Variants in FRMD4B observed in about 807,000 individuals in gnomAD.
The protein encoded by FRMD4B is FERM domain-containing protein 4B.
In FRMD4B, 74 loss-of-function variants were observed where a neutral mutation model predicts 141.5. The ratio of observed to expected loss-of-function variants is 0.52; its 90% CI spans 0.43 to 0.63. The LOEUF is 0.63. Ranked by LOEUF, FRMD4B falls within the 30% of genes least tolerant of loss-of-function variation. FRMD4B has a pLI of 0.00. For missense variants in FRMD4B, 1,366 were observed against 1,253.4 expected (o/e 1.09, Z -1.36); for synonymous variants, 506 against 467.9 (o/e 1.08, Z -1.05).
Position 69,453,880 on chromosome 3 carries a change from T to C in FRMD4B, c.-128-21119A>G, listed in dbSNP as rs371045210. Among the ~76,000 whole-genome samples the C allele has an allele frequency of 2.6e-4, 40 of 152,054 alleles. No individual in the cohort carries two copies. In the East Asian group the frequency reaches 5.8e-3, roughly 22 times the overall value. ...AAAGGATGAGTGAGAAAAATGGATG[T>C]GAAAGGAGGGAGGCAGAAGCCTAGA... On this transcript the variant is annotated intron_variant, in intron 1 of 5. Transcript: ENST00000459638.
chr3:69,226,784 C>A (rs1210385564), intron 7 of FRMD4B, among the ~76,000 whole-genome samples: 2 of 152,102 alleles, frequency 1.3e-5, no homozygotes, highest in Admixed American at 1.3e-4. Flanking sequence ...CATACAAATG[C>A]AGTCAGCCAA....
intron 2 of FRMD4B, among the ~76,000 whole-genome samples, chr3:69,414,400 T>C (rs190408396): frequency 6.6e-6 from 1 of 152,322 alleles, no homozygotes; most frequent in Admixed American, 6.5e-5. Context: ...TTTTTACAAA[T>C]CTATACTATG....
At chr3:69,311,844 T>C (rs2107226818) in intron 2 of FRMD4B, among the ~76,000 whole-genome samples, 1 of 152,190 alleles carries the variant, frequency 6.6e-6, no homozygotes, top group South Asian at 2.1e-4. Flanking sequence ...TAATAGTTAC[T>C]ATTTATTATG....
At chr3:69,271,803 T>G (rs1487929586) in intron 5 of FRMD4B, among the ~76,000 whole-genome samples, 2 of 151,948 alleles carry the variant, frequency 1.3e-5, no homozygotes, top group African/African-American at 4.8e-5. Flanking sequence ...TGAAACCCCA[T>G]CTCTACCAAA....
intron 2 of FRMD4B, among the ~76,000 whole-genome samples, chr3:69,395,305 A>C (rs1228372515): frequency 6.6e-6 from 1 of 152,184 alleles, no homozygotes; most frequent in Non-Finnish European, 1.5e-5. Flanking sequence ...CTATACAATA[A>C]ATGGTAGAAG....
At chr3:69,222,402 G>A (rs1315142829) in intron 8 of FRMD4B, among the ~76,000 whole-genome samples, 1 of 138,190 alleles carries the variant, frequency 7.2e-6, no homozygotes, top group Non-Finnish European at 1.5e-5. Context: ...GGGAGGTGGA[G>A]ATAGCAGTGA....
At chr3:69,374,533 T>C (rs542545167) in intron 1 of FRMD4B, among the ~76,000 whole-genome samples, 1 of 152,306 alleles carries the variant, frequency 6.6e-6, no homozygotes, top group South Asian at 2.1e-4. Context: ...AGAGGACAGC[T>C]TATACAGATG....
chr3:69,254,176 C>G (rs2093479162), intron 5 of FRMD4B, among the ~76,000 whole-genome samples: 2 of 151,984 alleles, frequency 1.3e-5, no homozygotes, highest in African/African-American at 2.4e-5. Flanking sequence ...ATGATCTTGG[C>G]TCACCACAAC....
intron 5 of FRMD4B, among the ~76,000 whole-genome samples, chr3:69,259,361 C>T (rs2106840469): frequency 6.6e-6 from 1 of 152,356 alleles, no homozygotes; most frequent in African/African-American, 2.4e-5. Flanking sequence ...CGCTGCTCAT[C>T]TCCTGCTGTG....
rs1704963468 is a variant in FRMD4B at position 69,420,867 on chromosome 3, C to T, written c.-1+11767G>A. 2.0e-5 allele frequency among the ~76,000 whole-genome samples: 3 copies of T among 152,254 alleles called. No homozygotes were observed. The South Asian group carries it at 6.2e-4, about 32-fold the overall frequency. On this transcript the variant is annotated intron_variant, in intron 2 of 5. Transcript: ENST00000459638. ...AGAGGAACTGTATGAAGCAAAGATG[C>T]CAGGGAGGATAAATGACCAACAATA...
intron 7 of FRMD4B, among the ~76,000 whole-genome samples, chr3:69,243,361 A>G (rs2093401248): frequency 6.6e-6 from 1 of 152,228 alleles, no homozygotes; most frequent in African/African-American, 2.4e-5. Flanking sequence ...CAAAGCCATG[A>G]AGGCAGATAG....
At chr3:69,517,178 T>A (rs773832966) in intron 1 of FRMD4B, among the ~76,000 whole-genome samples, 18 of 152,294 alleles carry the variant, frequency 1.2e-4, no homozygotes, top group African/African-American at 2.9e-4. Context: ...TAAACATTTT[T>A]AAAAAATCCA....
chr3:69,356,670 T>C (rs1703333056), intron 1 of FRMD4B, among the ~76,000 whole-genome samples: 1 of 150,182 alleles, frequency 6.7e-6, no homozygotes. Context: ...CTATTAACTC[T>C]GTCCCTTTAG....
chr3:69,337,124 C>T (rs1000463733), intron 1 of FRMD4B, among the ~76,000 whole-genome samples: 8 of 151,992 alleles, frequency 5.3e-5, no homozygotes, highest in South Asian at 2.1e-4. Context: ...ACAAATGGAA[C>T]AGAACAGAGC....
At chr3:69,253,828 C>A (rs1043504023) in intron 5 of FRMD4B, among the ~76,000 whole-genome samples, 1 of 152,108 alleles carries the variant, frequency 6.6e-6, no homozygotes, top group Non-Finnish European at 1.5e-5. Context: ...GGGCTCACAC[C>A]CATAATCCCA....
At chr3:69,494,977 G>A (rs1357025979) in intron 1 of FRMD4B, among the ~76,000 whole-genome samples, 1 of 151,284 alleles carries the variant, frequency 6.6e-6, no homozygotes, top group Non-Finnish European at 1.5e-5. Context: ...GGAAAGGAAG[G>A]AGAGGGGAAG....
intron 1 of FRMD4B, among the ~76,000 whole-genome samples, chr3:69,340,577 T>C (rs923104277): frequency 6.6e-6 from 1 of 152,216 alleles, no homozygotes; most frequent in Non-Finnish European, 1.5e-5. Context: ...GTTCAAATCA[T>C]GGCTTAGATG....
intron 11 of FRMD4B, among the ~76,000 whole-genome samples, chr3:69,207,936 G>C (rs2093039952): frequency 6.6e-6 from 1 of 152,182 alleles, no homozygotes; most frequent in African/African-American, 2.4e-5. Flanking sequence ...GTGGTGTGCA[G>C]TGGCGCCATC....
chr3:69,237,192 A>T (rs2093350786), intron 7 of FRMD4B, among the ~76,000 whole-genome samples: 1 of 109,084 alleles, frequency 9.2e-6, no homozygotes, highest in Non-Finnish European at 2.0e-5. Context: ...AAGAGGAGAG[A>T]ATTGGAAAGC....
Sources: allele counts gnomAD v4.1 joint callset (sites outside exome capture counted in the v4.1 genomes callset), GRCh38; gene constraint gnomAD v4.1.1; transcripts MANE v1.5; gene names NCBI Gene and HGNC (gene_info 2026-07-23, HGNC 2026-07-21).